Variants in ZCCHC7 observed in about 807,000 individuals in gnomAD.
ZCCHC7 encodes the protein zinc finger CCHC-type containing 7.
Under a neutral mutation model 52.0 loss-of-function variants are expected in ZCCHC7, and 35 were observed. The ratio of observed to expected loss-of-function variants is 0.67; its 90% CI spans 0.51 to 0.89. The LOEUF (loss-of-function observed/expected upper bound fraction) is 0.89, where lower values mean the gene tolerates loss of function less well. ZCCHC7 is among the 40% of genes least tolerant of loss of function. The pLI is 0.00. For missense variants in ZCCHC7, 574 were observed against 649.1 expected, an observed-to-expected ratio of 0.88 and a Z score of 1.26; for synonymous variants, 217 against 221.5, an observed-to-expected ratio of 0.98 and a Z score of 0.18.
chr9:37,306,943 A>G (rs1829355864), intron 5 of ZCCHC7, among the ~76,000 whole-genome samples: 1 of 150,782 alleles, frequency 6.6e-6, no homozygotes, highest in African/African-American at 2.4e-5. Flanking sequence ...GCCCACCACC[A>G]TGCCTGGCTA....
intron 2 of ZCCHC7, among the ~76,000 whole-genome samples, chr9:37,192,589 T>C (rs1378261484): frequency 6.6e-6 from 1 of 152,246 alleles, no homozygotes; most frequent in Admixed American, 6.5e-5. Flanking sequence ...TTCCATGTAA[T>C]TGGCTATTTC....
At chr9:37,134,245 C>T (rs1018141781) in intron 2 of ZCCHC7, among the ~76,000 whole-genome samples, 1 of 151,978 alleles carries the variant, frequency 6.6e-6, no homozygotes, top group African/African-American at 2.4e-5. Context: ...CCCTTAATCT[C>T]TTCCTTTTTT....
intron 5 of ZCCHC7, among the ~76,000 whole-genome samples, chr9:37,314,942 G>A (rs1485271920): frequency 6.6e-6 from 1 of 151,806 alleles, no homozygotes; most frequent in South Asian, 2.1e-4. Flanking sequence ...TGATTTTGTT[G>A]TACTAATCAA....
intron 6 of ZCCHC7, among the ~76,000 whole-genome samples, chr9:37,348,695 A>G (rs1821176846): frequency 6.6e-6 from 1 of 152,030 alleles, no homozygotes; most frequent in Non-Finnish European, 1.5e-5. Flanking sequence ...CAACTATCCT[A>G]ACTTCGACAC....
Position 37,275,212 on chromosome 9 carries a change from T to C in ZCCHC7, c.611-26976T>C, listed in dbSNP as rs566122990. Among the ~76,000 whole-genome samples, 5 of 152,256 alleles carry C rather than the reference T, an allele frequency of 3.3e-5. No homozygotes were observed. In the South Asian group the frequency reaches 1.0e-3, roughly 32 times the overall value. ...TGCACCCTTGCAGTAACCTTCTCCT[T>C]CTCCCAACAGTTGGGCCTTATCCTG... On this transcript the variant is annotated intron_variant, in intron 2 of 8. Coordinates refer to ENST00000336755, the MANE Select transcript of ZCCHC7 (RefSeq NM_032226.3).
intron 2 of ZCCHC7, among the ~76,000 whole-genome samples, chr9:37,133,725 A>AT (rs1221189051): frequency 3.9e-5 from 6 of 152,120 alleles, no homozygotes; most frequent in Non-Finnish European, 1.5e-5. Context: ...AGTAGCTGGG[A>AT]TTACAGGCAC....
Position 37,200,279 on chromosome 9 carries a change from A to G in ZCCHC7, c.610+73337A>G, listed in dbSNP as rs1823565953. Among the ~76,000 whole-genome samples the G allele has an allele frequency of 2.6e-5, 4 of 152,120 alleles. No homozygotes were observed. The South Asian group carries it at 8.3e-4, about 31-fold the overall frequency. On this transcript the variant is annotated intron_variant, in intron 2 of 8. Coordinates refer to ENST00000336755, the MANE Select transcript of ZCCHC7 (RefSeq NM_032226.3). ...TCTTCACTGTGTATCATTAAAAAATAAAAACAAACCCGAAAACAAAACATA... is the reference window on the plus strand; with the variant it reads ...TCTTCACTGTGTATCATTAAAAAATGAAAACAAACCCGAAAACAAAACATA...
At position 37,355,139 on chromosome 9, in the gene ZCCHC7, A is replaced by AT. The variant is rs1031314890; in HGVS notation, c.1198+324dup. ...AGATTTTTCTGTTTGACAGGTAATT[A>AT]TTTTTTTTTCCATTTGTATTTCTCC... On this transcript the variant is annotated intron_variant, in intron 8 of 8. Transcript: ENST00000336755. Among the ~76,000 whole-genome samples the AT allele has an allele frequency of 7.3e-5, 11 of 151,394 alleles. No homozygotes were observed. The South Asian group carries it at 1.3e-3, about 17-fold the overall frequency.
rs186582423 is a variant in ZCCHC7 at position 37,195,092 on chromosome 9, G to A, written c.610+68150G>A. 2.6e-5 allele frequency among the ~76,000 whole-genome samples: 4 copies of A among 151,630 alleles called. No homozygotes were observed. In the East Asian group the frequency reaches 5.8e-4, roughly 22 times the overall value. The stretch of plus-strand genomic sequence containing the variant: ...CTCCCTAGTAGCTAGGATTACAGGC[G>A]TGCACCACCACACCTGGCTAATTTT... On this transcript the variant is annotated intron_variant, in intron 2 of 8. Transcript: ENST00000336755.
At chr9:37,283,233 TA>T (rs1828056590) in intron 2 of ZCCHC7, among the ~76,000 whole-genome samples, 1 of 152,080 alleles carries the variant, frequency 6.6e-6, no homozygotes, top group African/African-American at 2.4e-5. Context: ...TTGGGAGAAA[TA>T]AAGATAGGTA....
At chr9:37,132,461 T>C (rs930470947) in intron 2 of ZCCHC7, among the ~76,000 whole-genome samples, 4 of 152,232 alleles carry the variant, frequency 2.6e-5, no homozygotes, top group African/African-American at 9.6e-5. Flanking sequence ...CTTTCCTATC[T>C]ATAACTCTGT....
chr9:37,284,618 A>G (rs943134933), intron 2 of ZCCHC7, among the ~76,000 whole-genome samples: 4 of 152,112 alleles, frequency 2.6e-5, no homozygotes, highest in South Asian at 2.1e-4. Context: ...ATGGATTTTT[A>G]TATTACCTCT....
intron 2 of ZCCHC7, among the ~76,000 whole-genome samples, chr9:37,195,727 T>C (rs1439153331): frequency 6.6e-6 from 1 of 152,224 alleles, no homozygotes; most frequent in East Asian, 1.9e-4. Flanking sequence ...AATGTAGTAG[T>C]GATTTAATGC....
At chr9:37,307,484 A>C (rs1004203400) in intron 5 of ZCCHC7, among the ~76,000 whole-genome samples, 1 of 152,162 alleles carries the variant, frequency 6.6e-6, no homozygotes. Flanking sequence ...GTATTTATGA[A>C]AGGGGTGTCT....
chr9:37,190,907 A>G (rs1425967862), intron 2 of ZCCHC7, among the ~76,000 whole-genome samples: 14 of 152,030 alleles, frequency 9.2e-5, no homozygotes, highest in Admixed American at 9.2e-4. Flanking sequence ...CTGTAATCCC[A>G]GCTACTTGGG....
intron 2 of ZCCHC7, among the ~76,000 whole-genome samples, chr9:37,147,052 G>A (rs1843465961): frequency 6.6e-6 from 1 of 151,720 alleles, no homozygotes; most frequent in African/African-American, 2.4e-5. Context: ...TGAAGACCAG[G>A]CTATCCCAAA....
chr9:37,265,006 T>G (rs1299719056), intron 2 of ZCCHC7, among the ~76,000 whole-genome samples: 4 of 152,104 alleles, frequency 2.6e-5, no homozygotes, highest in Non-Finnish European at 5.9e-5. Flanking sequence ...CAGTGTAGGG[T>G]AGATGATAAA....
rs186890148 is a variant in ZCCHC7 at position 37,327,691 on chromosome 9, C to A, written c.952-108C>A. 15 of 1,202,842 alleles carry A rather than the reference C, an allele frequency of 1.2e-5. No homozygotes were observed. The South Asian group carries it at 2.0e-4, about 16-fold the overall frequency. 74.5% of individuals were successfully genotyped at this position (1,202,842 alleles called of 1,614,324 possible). On this transcript the variant is annotated intron_variant, in intron 5 of 8. Coordinates refer to ENST00000336755, the MANE Select transcript of ZCCHC7 (RefSeq NM_032226.3). ...AATGCAGACCCTTTCTGTTAAGCTT[C>A]TTATTTTCCTGTGACCGACACCGGT...
At chr9:37,182,117 T>C (rs1822388126) in intron 2 of ZCCHC7, among the ~76,000 whole-genome samples, 1 of 152,234 alleles carries the variant, frequency 6.6e-6, no homozygotes, top group Non-Finnish European at 1.5e-5. Flanking sequence ...ACATTTATGC[T>C]GTAATCTGAT....
Sources: gnomAD v4.1 joint callset for allele counts (sites outside exome capture counted in the v4.1 genomes callset) on GRCh38, gnomAD v4.1.1 for gene constraint, MANE v1.5 for transcripts, NCBI Gene and HGNC (gene_info 2026-07-23, HGNC 2026-07-21) for gene names.